Variants in RIMS1 observed in about 807,000 individuals in gnomAD.
RIMS1 encodes regulating synaptic membrane exocytosis protein 1.
In RIMS1, 83 loss-of-function variants were observed where a neutral mutation model predicts 214.1. The ratio of observed to expected loss-of-function variants is 0.39; its 90% CI spans 0.32 to 0.47. The LOEUF (loss-of-function observed/expected upper bound fraction) is 0.47. RIMS1 is among the 20% of genes least tolerant of loss of function. The probability of loss-of-function intolerance (pLI) is 0.99; values close to 1 mark genes in which losing one functional copy is unlikely to be tolerated. For missense variants in RIMS1, 2,050 were observed against 2,161.8 expected (o/e 0.95, Z 1.03); for synonymous variants, 793 against 786.8 (o/e 1.01, Z -0.13).
chr6:72,320,075 T>C (rs1215219098), intron 28 of RIMS1, among the ~76,000 whole-genome samples: 1 of 152,136 alleles, frequency 6.6e-6, no homozygotes, highest in Non-Finnish European at 1.5e-5. Context: ...ATTCGAATTT[T>C]GATTACTAAT....
intron 6 of RIMS1, among the ~76,000 whole-genome samples, chr6:72,224,331 A>C (rs1430822067): frequency 6.6e-6 from 1 of 152,208 alleles, no homozygotes; most frequent in African/African-American, 2.4e-5. Context: ...AAACATTTCA[A>C]AAATTTGTAG....
chr6:72,007,022 G>A lies in RIMS1; in HGVS notation c.245+37959G>A, dbSNP rs369365298. ...TGGAGATCTGAGAACGGACAGACTGGCTTTTCAAGTGGGTCCCTGACACCC... is the reference window on the plus strand; with the variant it reads ...TGGAGATCTGAGAACGGACAGACTGACTTTTCAAGTGGGTCCCTGACACCC... On this transcript the variant is annotated intron_variant, in intron 2 of 33. Transcript: ENST00000521978. 1.1e-4 allele frequency among the ~76,000 whole-genome samples: 16 copies of A among 152,320 alleles called. No individual in the cohort carries two copies. The East Asian group carries it at 3.1e-3, about 29-fold the overall frequency.
chr6:72,196,580 C>CTTTT lies in RIMS1; in HGVS notation c.1678+13451_1678+13454dup, dbSNP rs61651151. ...AGTACTGTGCTGGCAGCCAGCTGCACTTTTTTTTTTTTTTTTTTTTTTTAC... is the reference window on the plus strand; with the variant it reads ...AGTACTGTGCTGGCAGCCAGCTGCACTTTTTTTTTTTTTTTTTTTTTTTTTTTAC... On this transcript the variant is annotated intron_variant, in intron 6 of 33. Coordinates refer to ENST00000521978, the MANE Select transcript of RIMS1 (RefSeq NM_014989.7). Among the ~76,000 whole-genome samples the CTTTT allele has an allele frequency of 2.4e-4, 14 of 57,208 alleles. 1 individual carries two copies. Among genetic ancestry groups the CTTTT allele is most frequent in the Non-Finnish European group, 3.1e-4 (10 of 32,214 alleles). The allele number at this position is 57,208 out of a possible 152,430, so 37.5% of individuals were successfully genotyped here.
chr6:72,396,087 A>G (rs1454644756), intron 31 of RIMS1, among the ~76,000 whole-genome samples: 1 of 151,814 alleles, frequency 6.6e-6, no homozygotes, highest in Non-Finnish European at 1.5e-5. Context: ...TTTTTTTTTC[A>G]TGAACACATG....
chr6:72,215,562 T>C (rs371080959), intron 6 of RIMS1, among the ~76,000 whole-genome samples: 1 of 152,210 alleles, frequency 6.6e-6, no homozygotes, highest in African/African-American at 2.4e-5. Flanking sequence ...TGTTGTTGAT[T>C]TTTCCATATG....
At chr6:71,954,122 G>C (rs573501974) in intron 1 of RIMS1, among the ~76,000 whole-genome samples, 2 of 152,114 alleles carry the variant, frequency 1.3e-5, no homozygotes, top group Non-Finnish European at 2.9e-5. Flanking sequence ...GTTGCTGTTA[G>C]AAACTGCAGC....
chr6:72,283,477 T>G (rs2091119305), intron 23 of RIMS1, among the ~76,000 whole-genome samples: 1 of 152,138 alleles, frequency 6.6e-6, no homozygotes, highest in Non-Finnish European at 1.5e-5. Context: ...TAAAAGCATC[T>G]TTATGAAAAA....
intron 3 of RIMS1, among the ~76,000 whole-genome samples, chr6:72,097,685 T>G (rs142762937): frequency 3.3e-5 from 5 of 152,276 alleles, no homozygotes; most frequent in Middle Eastern, 3.5e-3. Context: ...TATTTAGATA[T>G]TTAAAGTCTA....
Position 71,968,997 on chromosome 6 carries a change from A to T in RIMS1, c.179A>T (p.Asp60Val), listed in dbSNP as rs1488436859. 3 of 1,614,006 alleles carry T rather than the reference A, an allele frequency of 1.9e-6. No homozygotes were observed. The highest frequency in any genetic ancestry group is 1.1e-5 in the South Asian group (1 of 91,086). ...EEAMLKCVVR[D>V]MAKPAACKTP... ...ATGCGCCCCAGGTGTGTTGTCAGGG[A>T]CATGGCGAAGCCTGCTGCCTGCAAA... The change falls in exon 2 of 34, where the codon GAC becomes GTC. Residue 60 changes from aspartate (D) to valine (V), a missense_variant. Coordinates refer to ENST00000521978, the MANE Select transcript of RIMS1 (RefSeq NM_014989.7).
intron 1 of RIMS1, among the ~76,000 whole-genome samples, chr6:71,956,414 CAG>C (rs1285941082): frequency 6.6e-6 from 1 of 152,098 alleles, no homozygotes; most frequent in South Asian, 2.1e-4. Context: ...ACTATGTAAA[CAG>C]AGTTATTATA....
At chr6:72,186,986 C>A (rs2049212814) in intron 6 of RIMS1, among the ~76,000 whole-genome samples, 1 of 152,076 alleles carries the variant, frequency 6.6e-6, no homozygotes, top group Non-Finnish European at 1.5e-5. Flanking sequence ...AAAAAATTAG[C>A]CAGGTGTGGT....
At chr6:72,340,578 A>G (rs1184707441) in intron 29 of RIMS1, among the ~76,000 whole-genome samples, 1 of 152,202 alleles carries the variant, frequency 6.6e-6, no homozygotes. Flanking sequence ...CAGGTTTGTC[A>G]AAGATCAGAT....
At chr6:72,236,932 C>G (rs1562910516) in intron 8 of RIMS1, among the ~76,000 whole-genome samples, 1 of 152,164 alleles carries the variant, frequency 6.6e-6, no homozygotes, top group Non-Finnish European at 1.5e-5. Context: ...GGTGCAGTGG[C>G]TCATGCCTTT....
At chr6:72,072,930 T>C (rs1830913371) in intron 2 of RIMS1, among the ~76,000 whole-genome samples, 1 of 152,196 alleles carries the variant, frequency 6.6e-6, no homozygotes, top group South Asian at 2.1e-4. Context: ...AGAGCCCTCA[T>C]GCAGAGCAGA....
At chr6:72,289,866 A>G (rs1464422587) in intron 24 of RIMS1, among the ~76,000 whole-genome samples, 1 of 152,168 alleles carries the variant, frequency 6.6e-6, no homozygotes, top group Non-Finnish European at 1.5e-5. Flanking sequence ...TATTTAAAAT[A>G]AATACCAAAA....
Position 72,401,568 on chromosome 6 carries a change from T to C in RIMS1, c.*854T>C, listed in dbSNP as rs138312508. The C allele has an allele frequency of 1.3e-5, 2 of 152,790 alleles. No homozygotes were observed. Among genetic ancestry groups the C allele is most frequent in the African/African-American group, 4.8e-5 (2 of 41,598 alleles). 9.5% of individuals were successfully genotyped at this position (152,790 alleles called of 1,614,324 possible). A position where few individuals can be genotyped will look rare whatever the true frequency, so the allele number is the denominator to read the frequency against. The stretch of plus-strand genomic sequence containing the variant: ...ACTTTTAAAGAAGTCAATCTGCAAC[T>C]AATGCTGGGGACTAAAACTAACTGC... On this transcript the variant is annotated 3_prime_UTR_variant, in exon 34 of 34. Transcript: ENST00000521978.
At chr6:71,980,667 T>C (rs1433150370) in intron 2 of RIMS1, among the ~76,000 whole-genome samples, 2 of 152,002 alleles carry the variant, frequency 1.3e-5, no homozygotes, top group Admixed American at 1.3e-4. Flanking sequence ...GGAATATGCA[T>C]GATGGATGAG....
intron 4 of RIMS1, among the ~76,000 whole-genome samples, chr6:72,149,879 G>A (rs2043281826): frequency 6.6e-6 from 1 of 152,194 alleles, no homozygotes; most frequent in East Asian, 1.9e-4. Context: ...AGACCAGCCT[G>A]TATTCTGTGC....
rs1459903454 is a variant in RIMS1, at chr6:72,250,465, T to A, written c.2372+5T>A. The A allele has an allele frequency of 6.5e-7, 1 of 1,546,578 alleles. No homozygotes were observed. Among genetic ancestry groups the A allele is most frequent in the Non-Finnish European group, 8.8e-7 (1 of 1,141,226 alleles). On this transcript the variant is annotated splice_donor_5th_base_variant and intron_variant, in intron 13 of 33. Coordinates refer to ENST00000521978, the MANE Select transcript of RIMS1 (RefSeq NM_014989.7). ...GTATTTTCTTCCAGATAGAAGGTAG[T>A]GAATAATTTTAGAAAAAAAAAATCT...
Sources: allele counts gnomAD v4.1 joint callset (sites outside exome capture counted in the v4.1 genomes callset), GRCh38; gene constraint gnomAD v4.1.1; transcripts MANE v1.5; gene names NCBI Gene and HGNC (gene_info 2026-07-23, HGNC 2026-07-21).